The following LRP12 variants were observed in gnomAD, a reference collection of about 807,000 sequenced individuals.
LRP12 encodes LDL receptor related protein 12, also known as low-density lipoprotein receptor-related protein 12.
LRP12 carries 14 observed loss-of-function variants against 66.0 expected under a neutral mutation model. The observed-to-expected ratio is 0.21, with a 90% CI of 0.14 to 0.33. The LOEUF is 0.33. LRP12 is among the 10% of genes least tolerant of loss of function. LRP12 has a pLI of 1.00. For missense variants in LRP12, 889 were observed against 1,053.4 expected (o/e 0.84, Z 2.16); for synonymous variants, 357 against 359.1 (o/e 0.99, Z 0.07).
At chr8:104,491,570 T>G (rs774734932) in intron 6 of LRP12, 31 bp from the exon 7 acceptor site, 2 of 1,471,584 alleles carry the variant, frequency 1.4e-6, no homozygotes, top group Admixed American at 2.2e-5. Context: ...CTTAAGATAG[T>G]TAACAACAAG....
chr8:104,541,573 T>C (rs1217730319), intron 1 of LRP12, among the ~76,000 whole-genome samples: 5 of 152,186 alleles, frequency 3.3e-5, no homozygotes, highest in African/African-American at 1.2e-4. Flanking sequence ...ATTCAGGAAG[T>C]TGTACAACCA....
intron 1 of LRP12, among the ~76,000 whole-genome samples, chr8:104,578,964 A>C (rs1370600756): frequency 6.6e-6 from 1 of 152,148 alleles, no homozygotes; most frequent in African/African-American, 2.4e-5. Flanking sequence ...ACAAACCCAC[A>C]ACCAACATCA....
chr8:104,552,913 G>GT (rs1231844153), intron 1 of LRP12, among the ~76,000 whole-genome samples: 6 of 152,186 alleles, frequency 3.9e-5, no homozygotes, highest in Non-Finnish European at 7.3e-5. Context: ...GCCAAAAACT[G>GT]TGAGTGCCCA....
chr8:104,513,331 T>C (rs1287125672), intron 2 of LRP12, among the ~76,000 whole-genome samples: 1 of 152,214 alleles, frequency 6.6e-6, no homozygotes, highest in Non-Finnish European at 1.5e-5. Flanking sequence ...GGGGCGCTAT[T>C]AATAATTTCC....
intron 1 of LRP12, among the ~76,000 whole-genome samples, chr8:104,553,043 G>T (rs1393930813): frequency 6.6e-6 from 1 of 152,148 alleles, no homozygotes; most frequent in African/African-American, 2.4e-5. Context: ...AAATATAGGG[G>T]TACAGGAAGC....
chr8:104,499,405 C>T lies in LRP12; in HGVS notation c.387G>A (p.Pro129=), dbSNP rs201068227. 2.3e-5 allele frequency: 37 copies of T among 1,613,440 alleles called. No homozygotes were observed. Among genetic ancestry groups the T allele is most frequent in the East Asian group, 8.9e-5 (4 of 44,834 alleles). ...AGATGTGGTCTTGTGAAGAGATATA[C>T]GGAGGTGGAATTGTGGAACCACAAG... The part of the protein sequence containing the change: ...YRACGSTIPP[P]YISSQDHIWI... Residue 129 remains proline, a synonymous_variant, in exon 4 of 7, where the codon CCG becomes CCA. Coordinates refer to ENST00000276654, the MANE Select transcript of LRP12 (RefSeq NM_013437.5).
intron 6 of LRP12, among the ~76,000 whole-genome samples, chr8:104,492,125 A>G (rs1311364417): frequency 1.3e-5 from 2 of 152,172 alleles, no homozygotes; most frequent in Non-Finnish European, 2.9e-5. Context: ...AAGGAATTAT[A>G]TTTGTAATAC....
chr8:104,575,599 A>G (rs1812153324), intron 1 of LRP12, among the ~76,000 whole-genome samples: 1 of 152,010 alleles, frequency 6.6e-6, no homozygotes, highest in African/African-American at 2.4e-5. Flanking sequence ...GTTATCAAAT[A>G]GGATAAAAGG....
chr8:104,578,447 C>T lies in LRP12; in HGVS notation c.79+10372G>A, dbSNP rs929024435. Among the ~76,000 whole-genome samples, 25 of 152,250 alleles carry T rather than the reference C, an allele frequency of 1.6e-4. 1 individual carries two copies. Among genetic ancestry groups the T allele is most frequent in the Middle Eastern group, 3.4e-3 (1 of 294 alleles). ...GCCCAGATGGATTCACAGCTGAATT[C>T]TACCAGATGTACAAAGAAGAGCTGG... On this transcript the variant is annotated intron_variant, in intron 1 of 6. Coordinates refer to ENST00000276654, the MANE Select transcript of LRP12 (RefSeq NM_013437.5).
chr8:104,579,110 G>T (rs577352189), intron 1 of LRP12, among the ~76,000 whole-genome samples: 3 of 152,120 alleles, frequency 2.0e-5, no homozygotes, highest in African/African-American at 7.2e-5. Context: ...TAAATAAAGC[G>T]CATCTAAATA....
intron 2 of LRP12, among the ~76,000 whole-genome samples, chr8:104,526,433 A>C (rs1187024096): frequency 6.6e-6 from 1 of 150,990 alleles, no homozygotes. Flanking sequence ...TTCAAACTAT[A>C]CTACAAGGCT....
Position 104,554,738 on chromosome 8 carries a change from C to T in LRP12, c.80-22775G>A, listed in dbSNP as rs532749581. Among the ~76,000 whole-genome samples the T allele has an allele frequency of 1.3e-4, 20 of 152,152 alleles. No homozygotes were observed. In the South Asian group the frequency reaches 1.7e-3, roughly 13 times the overall value. On this transcript the variant is annotated intron_variant, in intron 1 of 6. Coordinates refer to ENST00000276654, the MANE Select transcript of LRP12 (RefSeq NM_013437.5). ...ATCAAGGAAAACTTCCCTGACTTTG[C>T]TAGAGATCTAGACGTTGAAATACAA...
At chr8:104,530,467 G>A (rs1195027164) in intron 2 of LRP12, among the ~76,000 whole-genome samples, 1 of 152,090 alleles carries the variant, frequency 6.6e-6, no homozygotes, top group Non-Finnish European at 1.5e-5. Context: ...GCCATGTGAG[G>A]ACACAATGAG....
chr8:104,492,316 C>G (rs957360042), intron 6 of LRP12, among the ~76,000 whole-genome samples: 1 of 152,134 alleles, frequency 6.6e-6, no homozygotes, highest in Non-Finnish European at 1.5e-5. Context: ...GGTTGTCCAA[C>G]TGAATAAAAA....
Position 104,588,999 on chromosome 8 carries a change from G to C in LRP12, c.-102C>G, listed in dbSNP as rs1289335862. On this transcript the variant is annotated 5_prime_UTR_variant, in exon 1 of 7. Coordinates refer to ENST00000276654, the MANE Select transcript of LRP12 (RefSeq NM_013437.5). ...CGCCGCCGCCGCCGCCGCCGCCGCC[G>C]AGCCACCGGCTGCTCCCTGCGCTCT... is the stretch of plus-strand genomic sequence containing the variant. The C allele has an allele frequency of 2.3e-6, 2 of 870,464 alleles. No homozygotes were observed. Among genetic ancestry groups the C allele is most frequent in the Admixed American group, 2.9e-5 (1 of 34,370 alleles). The allele number at this position is 870,464 out of a possible 1,614,324, so 53.9% of individuals were successfully genotyped here. A position where few individuals can be genotyped will look rare whatever the true frequency, so the allele number is the denominator to read the frequency against.
intron 1 of LRP12, among the ~76,000 whole-genome samples, chr8:104,539,530 C>T (rs778451422): frequency 1.1e-4 from 16 of 151,824 alleles, no homozygotes; most frequent in Non-Finnish European, 2.1e-4. Context: ...TATTATACAA[C>T]ACACAAAATA....
chr8:104,524,253 A>G (rs552154589), intron 2 of LRP12, among the ~76,000 whole-genome samples: 1 of 152,114 alleles, frequency 6.6e-6, no homozygotes, highest in East Asian at 1.9e-4. Context: ...AAAAAAAAAA[A>G]AAAAAAAAAG....
At chr8:104,519,916 C>T (rs1811122366) in intron 2 of LRP12, among the ~76,000 whole-genome samples, 1 of 151,912 alleles carries the variant, frequency 6.6e-6, no homozygotes, top group Non-Finnish European at 1.5e-5. Context: ...ACTTGGCTAT[C>T]AGCTGTAATC....
chr8:104,493,965 G>C (rs1237494459), intron 6 of LRP12, among the ~76,000 whole-genome samples: 1 of 152,156 alleles, frequency 6.6e-6, no homozygotes, highest in Non-Finnish European at 1.5e-5. Context: ...TGCTTTCAGT[G>C]AGTTTTTTGA....
Sources: gnomAD v4.1 joint callset for allele counts (sites outside exome capture counted in the v4.1 genomes callset) on GRCh38, gnomAD v4.1.1 for gene constraint, MANE v1.5 for transcripts, NCBI Gene and HGNC (gene_info 2026-07-23, HGNC 2026-07-21) for gene names.